The following GALNT13 variants were observed in gnomAD, a reference collection of about 807,000 sequenced individuals.
GALNT13 encodes the protein polypeptide N-acetylgalactosaminyltransferase 13.
In GALNT13, 28 loss-of-function variants were observed where a neutral mutation model predicts 64.2. The observed-to-expected ratio is 0.44, with a 90% confidence interval of 0.32 to 0.60. The LOEUF is 0.60. GALNT13 is among the 20% of genes least tolerant of loss of function. The pLI is 0.05. For synonymous variants in GALNT13, 214 were observed against 224.6 expected (o/e 0.95, Z 0.42); for missense variants, 577 against 669.8 (o/e 0.86, Z 1.53).
At chr2:153,354,606 A>G in the GALNT13 span, among the ~76,000 whole-genome samples, 1 of 152,156 alleles carries the variant, frequency 6.6e-6, no homozygotes, top group African/African-American at 2.4e-5. Context: ...TAAGGAAGAA[A>G]ATAAGAGTCA....
intron 2 of GALNT13, among the ~76,000 whole-genome samples, chr2:153,913,566 G>A (rs970574640): frequency 6.6e-6 from 1 of 152,104 alleles, no homozygotes; most frequent in Non-Finnish European, 1.5e-5. Context: ...CTGGAGTTCT[G>A]GCTCTAACAC....
chr2:153,590,187 T>G, the GALNT13 span, among the ~76,000 whole-genome samples: 1 of 152,234 alleles, frequency 6.6e-6, no homozygotes, highest in Non-Finnish European at 1.5e-5. Flanking sequence ...TAGAAAACAT[T>G]ATCAGAGACT....
the GALNT13 span, among the ~76,000 whole-genome samples, chr2:153,519,096 T>C: frequency 6.6e-5 from 10 of 152,190 alleles, no homozygotes; most frequent in African/African-American, 2.4e-4. Context: ...TGTCCAAGGC[T>C]CCTAGGACTT....
the GALNT13 span, among the ~76,000 whole-genome samples, chr2:153,277,944 T>TTTTTTTTTTTTTTA: frequency 7.4e-6 from 1 of 134,694 alleles, no homozygotes; most frequent in Non-Finnish European, 1.6e-5. Flanking sequence ...TTTTTTTTTT[T>TTTTTTTTTTTTTTA]GAGACAGAGT....
At chr2:153,782,286 G>C in the GALNT13 span, among the ~76,000 whole-genome samples, 12 of 152,110 alleles carry the variant, frequency 7.9e-5, no homozygotes, top group Non-Finnish European at 1.8e-4. Flanking sequence ...ACACAAGCTA[G>C]ATCACATTTC....
chr2:153,286,176 AAGGGATT>A, the GALNT13 span, among the ~76,000 whole-genome samples: 1 of 152,156 alleles, frequency 6.6e-6, no homozygotes, highest in Non-Finnish European at 1.5e-5. Context: ...TCAACTGTAT[AAGGGATT>A]ATATTGTAGA....
chr2:153,290,385 T>C, the GALNT13 span, among the ~76,000 whole-genome samples: 1 of 152,154 alleles, frequency 6.6e-6, no homozygotes, highest in African/African-American at 2.4e-5. Context: ...TATATGGTTA[T>C]TTGTGGGTAT....
the GALNT13 span, among the ~76,000 whole-genome samples, chr2:153,688,458 G>A: frequency 1.3e-5 from 2 of 151,886 alleles, no homozygotes; most frequent in African/African-American, 4.8e-5. Flanking sequence ...AGCCTCTTTT[G>A]AAATATGTTT....
At chr2:153,535,180 G>T in the GALNT13 span, among the ~76,000 whole-genome samples, 2 of 152,026 alleles carry the variant, frequency 1.3e-5, no homozygotes, top group East Asian at 3.9e-4. Flanking sequence ...AACATTTGCC[G>T]TATAGAATGA....
the GALNT13 span, among the ~76,000 whole-genome samples, chr2:153,207,591 G>A: frequency 6.6e-6 from 1 of 151,950 alleles, no homozygotes; most frequent in Non-Finnish European, 1.5e-5. Context: ...ATTATTCATT[G>A]ATACTATTTT....
At chr2:153,442,371 C>A in the GALNT13 span, among the ~76,000 whole-genome samples, 2 of 152,172 alleles carry the variant, frequency 1.3e-5, no homozygotes, top group Non-Finnish European at 2.9e-5. Context: ...AGGATTTTTG[C>A]ATCGATGTAC....
the GALNT13 span, among the ~76,000 whole-genome samples, chr2:153,148,731 G>A: frequency 1.2e-4 from 18 of 151,876 alleles, no homozygotes; most frequent in Middle Eastern, 0.014. Context: ...TTAATCATTA[G>A]AAAGGAAAAA....
the GALNT13 span, among the ~76,000 whole-genome samples, chr2:153,231,152 G>T: frequency 1.3e-5 from 2 of 152,116 alleles, no homozygotes; most frequent in Admixed American, 1.3e-4. Context: ...ATACTCCCAG[G>T]AATGTAGGCC....
chr2:153,720,297 G>A, the GALNT13 span, among the ~76,000 whole-genome samples: 2,685 of 143,782 alleles, frequency 0.019, 107 homozygotes, highest in East Asian at 0.12. Flanking sequence ...CATCCACACC[G>A]AAAACCCATC....
intron 3 of GALNT13, among the ~76,000 whole-genome samples, chr2:153,960,579 AT>A (rs1558875856): frequency 6.6e-6 from 1 of 152,160 alleles, no homozygotes; most frequent in East Asian, 1.9e-4. Flanking sequence ...GGGGTGGTTT[AT>A]TCAGGGAAGG....
At chr2:153,265,907 T>C in the GALNT13 span, among the ~76,000 whole-genome samples, 2 of 152,186 alleles carry the variant, frequency 1.3e-5, no homozygotes, top group Admixed American at 6.5e-5. Context: ...TGACTTCAAT[T>C]TTGAAAGAAG....
chr2:153,685,515 A>G, the GALNT13 span, among the ~76,000 whole-genome samples: 1 of 151,348 alleles, frequency 6.6e-6, no homozygotes, highest in South Asian at 2.1e-4. Context: ...GGGGTTGTTT[A>G]TTTTTTTCTT....
chr2:153,885,677 T>A (rs1391076507), intron 1 of GALNT13, among the ~76,000 whole-genome samples: 1 of 152,086 alleles, frequency 6.6e-6, no homozygotes, highest in Non-Finnish European at 1.5e-5. Flanking sequence ...CTTGCAAATT[T>A]ACAGAAGAAT....
chr2:153,260,525 C>T, the GALNT13 span, among the ~76,000 whole-genome samples: 1 of 152,082 alleles, frequency 6.6e-6, no homozygotes, highest in African/African-American at 2.4e-5. Flanking sequence ...TCATGTCATG[C>T]TCTCCTGGCC....
Sources: gnomAD v4.1 joint callset for allele counts (sites outside exome capture counted in the v4.1 genomes callset) on GRCh38, gnomAD v4.1.1 for gene constraint, MANE v1.5 for transcripts, NCBI Gene and HGNC (gene_info 2026-07-23, HGNC 2026-07-21) for gene names.